CYYR1: variants seen among roughly 807,000 people sequenced by gnomAD.
The protein encoded by CYYR1 is cysteine and tyrosine rich 1.
Under a neutral mutation model 15.2 loss-of-function variants are expected in CYYR1, and 14 were observed. The ratio of observed to expected loss-of-function variants is 0.92; its 90% CI spans 0.61 to 1.44. The LOEUF is 1.44. Ranked by LOEUF, CYYR1 falls within the 40% of genes most tolerant of loss-of-function variation. CYYR1 has a pLI of 0.00. For synonymous variants in CYYR1, 80 were observed against 77.4 expected (o/e 1.03, Z -0.18); for missense variants, 228 against 209.5 (o/e 1.09, Z -0.54).
At chr21:26,503,735 T>A (rs2065513665) in intron 2 of CYYR1, 1 of 152,160 alleles carries the variant, frequency 6.6e-6, no homozygotes, top group South Asian at 2.1e-4. Context: ...AATAAAACAC[T>A]TATCTGGATA....
At chr21:26,535,880 T>G (rs1674282771) in intron 2 of CYYR1, among the ~76,000 whole-genome samples, 1 of 152,196 alleles carries the variant, frequency 6.6e-6, no homozygotes, top group African/African-American at 2.4e-5. Context: ...TTGCCACTTA[T>G]GCTCTAAGTT....
chr21:26,495,414 C>T (rs2065385472), intron 2 of CYYR1, among the ~76,000 whole-genome samples: 1 of 152,210 alleles, frequency 6.6e-6, no homozygotes. Flanking sequence ...ATGTGACTAA[C>T]TTTTCCCAAC....
Position 26,531,699 on chromosome 21 carries a change from C to T in CYYR1, c.176+34567G>A, listed in dbSNP as rs1312965141. On this transcript the variant is annotated intron_variant, in intron 2 of 3. Coordinates refer to ENST00000652641, the MANE Select transcript of CYYR1 (RefSeq NM_001320768.2). ...AAACCTCTTTTCTTCATAAATTACC[C>T]AGTCTCAGGTAGTTCTTTATAGCAG... is the stretch of plus-strand genomic sequence containing the variant. Among the ~76,000 whole-genome samples, 11 of 152,196 alleles carry T rather than the reference C, an allele frequency of 7.2e-5. No individual in the cohort carries two copies. The East Asian group carries it at 2.1e-3, about 29-fold the overall frequency.
At chr21:26,516,931 C>T (rs962089638) in intron 2 of CYYR1, among the ~76,000 whole-genome samples, 6 of 150,704 alleles carry the variant, frequency 4.0e-5, no homozygotes, top group African/African-American at 1.5e-4. Context: ...CTGGCTAACA[C>T]GGTGAAACCC....
rs142885123 is a variant in CYYR1, at chr21:26,466,368, A to T, written c.*2133T>A. 208 of 152,350 alleles carry T rather than the reference A, an allele frequency of 1.4e-3. No individual in the cohort carries two copies. The highest frequency in any genetic ancestry group is 4.8e-3 in the African/African-American group (200 of 41,592). 9.4% of individuals were successfully genotyped at this position (152,350 alleles called of 1,614,324 possible). A position where few individuals can be genotyped will look rare whatever the true frequency, so the allele number is the denominator to read the frequency against. ...TCTATGAAAACAATCAGTGAACTCC[A>T]ACAGTCTATACTGGTAATGTGCACA... On this transcript the variant is annotated 3_prime_UTR_variant, in exon 4 of 4. Coordinates refer to ENST00000652641, the MANE Select transcript of CYYR1 (RefSeq NM_001320768.2).
intron 2 of CYYR1, among the ~76,000 whole-genome samples, chr21:26,495,197 A>G (rs898336036): frequency 7.2e-5 from 11 of 152,202 alleles, no homozygotes; most frequent in African/African-American, 2.4e-4. Flanking sequence ...ATCACTTCAG[A>G]TAGAGATTCT....
At chr21:26,473,327 C>T (rs367899843) in intron 3 of CYYR1, among the ~76,000 whole-genome samples, 4 of 152,054 alleles carry the variant, frequency 2.6e-5, no homozygotes, top group African/African-American at 9.7e-5. Context: ...CTGGCAAGAC[C>T]TCCATTACCC....
intron 3 of CYYR1, among the ~76,000 whole-genome samples, chr21:26,479,618 CAAT>C (rs1297245237): frequency 1.3e-5 from 2 of 152,224 alleles, no homozygotes; most frequent in Non-Finnish European, 2.9e-5. Context: ...AGCATATTCT[CAAT>C]AAATATTTGT....
chr21:26,526,143 A>G (rs2065862187), intron 2 of CYYR1, among the ~76,000 whole-genome samples: 1 of 152,144 alleles, frequency 6.6e-6, no homozygotes, highest in African/African-American at 2.4e-5. Context: ...AAACCTAAAC[A>G]TGTACCCCTG....
intron 1 of CYYR1, 101 bp downstream of exon 1, chr21:26,572,767 G>A: frequency 7.1e-7 from 1 of 1,417,274 alleles, no homozygotes; most frequent in Non-Finnish European, 9.5e-7. Flanking sequence ...AGGTCCTTCT[G>A]CAAAGGTCCC....
At chr21:26,472,337 AT>A (rs368480987) in intron 3 of CYYR1, among the ~76,000 whole-genome samples, 50 of 149,504 alleles carry the variant, frequency 3.3e-4, no homozygotes, top group African/African-American at 6.8e-4. Flanking sequence ...CTTTTTAATT[AT>A]TTTTTTTTTA....
chr21:26,501,304 T>C (rs537047439), intron 2 of CYYR1, among the ~76,000 whole-genome samples: 1 of 152,302 alleles, frequency 6.6e-6, no homozygotes, highest in South Asian at 2.1e-4. Flanking sequence ...ACCACTGCAC[T>C]CCAGCCTGGT....
At chr21:26,493,329 T>C (rs539370700) in intron 2 of CYYR1, among the ~76,000 whole-genome samples, 1 of 152,244 alleles carries the variant, frequency 6.6e-6, no homozygotes, top group South Asian at 2.1e-4. Flanking sequence ...GTGGATTTGA[T>C]GGGTACCAGA....
At chr21:26,545,675 C>G (rs920741900) in intron 2 of CYYR1, among the ~76,000 whole-genome samples, 1 of 147,338 alleles carries the variant, frequency 6.8e-6, no homozygotes, top group African/African-American at 2.6e-5. Flanking sequence ...TCACGCCAGT[C>G]TCCTGTAAGA....
rs187923071 is a variant in CYYR1, at chr21:26,503,893, T to G, written c.177-23464A>C. Among the ~76,000 whole-genome samples the G allele has an allele frequency of 2.6e-4, 39 of 152,098 alleles. No individual in the cohort carries two copies. The South Asian group carries it at 6.9e-3, about 27-fold the overall frequency. ...TTTCTTCATGGAAGACGCTGTCGAG[T>G]CCTCCTATTAATTATTTATTCAGAT... On this transcript the variant is annotated intron_variant, in intron 2 of 3. Coordinates refer to ENST00000652641, the MANE Select transcript of CYYR1 (RefSeq NM_001320768.2).
chr21:26,476,384 T>G (rs1343858674), intron 3 of CYYR1, among the ~76,000 whole-genome samples: 1 of 152,178 alleles, frequency 6.6e-6, no homozygotes, highest in African/African-American at 2.4e-5. Flanking sequence ...GGTGGACACT[T>G]TTAAGACCTG....
At chr21:26,492,571 C>T (rs2065342974) in intron 2 of CYYR1, among the ~76,000 whole-genome samples, 1 of 152,162 alleles carries the variant, frequency 6.6e-6, no homozygotes, top group Non-Finnish European at 1.5e-5. Context: ...ATGACAGAGA[C>T]AGATGCCCCC....
chr21:26,494,704 C>T (rs2065370237), intron 2 of CYYR1, among the ~76,000 whole-genome samples: 1 of 151,944 alleles, frequency 6.6e-6, no homozygotes, highest in Admixed American at 6.6e-5. Context: ...ACTGGGACAT[C>T]ACATTGTGCC....
intron 2 of CYYR1, 34 bp from the exon 3 acceptor site, chr21:26,480,463 A>C: frequency 6.3e-7 from 1 of 1,584,384 alleles, no homozygotes; most frequent in Non-Finnish European, 8.6e-7. Flanking sequence ...TACTCAAAAG[A>C]CTTGTAAGCA....
Sources: allele counts gnomAD v4.1 joint callset (sites outside exome capture counted in the v4.1 genomes callset), GRCh38; gene constraint gnomAD v4.1.1; transcripts MANE v1.5; gene names NCBI Gene and HGNC (gene_info 2026-07-23, HGNC 2026-07-21).